CBLB: variants seen among roughly 807,000 people sequenced by gnomAD.
The protein encoded by CBLB is E3 ubiquitin-protein ligase CBL-B.
In CBLB, 31 loss-of-function variants were observed where a neutral mutation model predicts 104.9. The ratio of observed to expected loss-of-function variants is 0.30; its 90% confidence interval spans 0.22 to 0.40. The LOEUF (loss-of-function observed/expected upper bound fraction) is 0.40, where lower values mean the gene tolerates loss of function less well. Among genes scored for constraint, CBLB ranks in the 10% least tolerant of loss-of-function variants. CBLB has a pLI of 1.00. For missense variants in CBLB, 1,062 were observed against 1,214.6 expected (o/e 0.87, Z 1.87); for synonymous variants, 440 against 422.6 (o/e 1.04, Z -0.51).
intron 17 of CBLB, chr3:105,672,328 C>T (rs1286564046): frequency 5.5e-6 from 1 of 180,396 alleles, no homozygotes; most frequent in Non-Finnish European, 1.2e-5. Context: ...TTATAAATAG[C>T]AAAAATACCT....
intron 2 of CBLB, 151 bp from the exon 3 acceptor site, chr3:105,853,815 G>A (rs571755424): frequency 5.6e-5 from 34 of 609,290 alleles, no homozygotes; most frequent in East Asian, 2.3e-4. Flanking sequence ...TGATAGTCAC[G>A]TTTGTCATAA....
At chr3:105,706,589 C>T (rs2070183308) in intron 10 of CBLB, among the ~76,000 whole-genome samples, 1 of 152,136 alleles carries the variant, frequency 6.6e-6, no homozygotes, top group South Asian at 2.1e-4. Context: ...ATTTGCATCA[C>T]AGCATCTTGA....
At chr3:105,781,612 G>T (rs2080266030) in intron 3 of CBLB, among the ~76,000 whole-genome samples, 1 of 152,130 alleles carries the variant, frequency 6.6e-6, no homozygotes, top group Non-Finnish European at 1.5e-5. Flanking sequence ...CTAAATGCAG[G>T]AGACTCACAC....
intron 2 of CBLB, among the ~76,000 whole-genome samples, chr3:105,858,706 G>A (rs756415141): frequency 3.9e-5 from 6 of 152,116 alleles, no homozygotes; most frequent in Non-Finnish European, 7.4e-5. Context: ...CAAAAAATTT[G>A]GAAATTACCA....
chr3:105,799,403 A>G (rs959121792), intron 3 of CBLB, among the ~76,000 whole-genome samples: 1 of 152,168 alleles, frequency 6.6e-6, no homozygotes, highest in Admixed American at 6.6e-5. Flanking sequence ...AGGCACAATT[A>G]GTACCATTTG....
rs35312427 is a variant in CBLB, at chr3:105,658,392, CT to C, written c.*577del. 58,693 of 199,362 alleles carry C rather than the reference CT, an allele frequency of 0.29. 5,858 individuals are homozygous for C. The highest frequency in any genetic ancestry group is 0.32 in the East Asian group (3,869 of 12,004). The allele number at this position is 199,362 out of a possible 1,614,324, so 12.3% of individuals were successfully genotyped here. ...GAAACTCAGTAGTGAAGAATACATACTTTTTTTTTTTTGCATTAGTTTGATC... is the reference window on the plus strand; with the variant it reads ...GAAACTCAGTAGTGAAGAATACATACTTTTTTTTTTTGCATTAGTTTGATC... On this transcript the variant is annotated 3_prime_UTR_variant, in exon 19 of 19. Coordinates refer to ENST00000394030, the MANE Select transcript of CBLB (RefSeq NM_170662.5).
intron 18 of CBLB, among the ~76,000 whole-genome samples, chr3:105,663,904 A>G (rs1159112340): frequency 1.3e-4 from 2 of 15,752 alleles, no homozygotes; most frequent in East Asian, 5.7e-3. Context: ...AAAGCTTATT[A>G]GGAAAAAAAA....
At chr3:105,696,899 C>G (rs1489796013) in intron 12 of CBLB, among the ~76,000 whole-genome samples, 1 of 151,930 alleles carries the variant, frequency 6.6e-6, no homozygotes, top group East Asian at 1.9e-4. Context: ...TCTCCCACCT[C>G]CATGCTATTT....
intron 3 of CBLB, among the ~76,000 whole-genome samples, chr3:105,786,064 G>GGT (rs1553794706): frequency 1.4e-5 from 2 of 139,076 alleles, no homozygotes; most frequent in African/African-American, 2.7e-5. Flanking sequence ...AGAGGATCGG[G>GGT]GGGGGGAAAG....
rs2152656700 is a variant in CBLB, at chr3:105,658,242, T to TA, written c.*727dup. 4.6e-6 allele frequency: 1 copy of TA among 217,456 alleles called. No homozygotes were observed. The highest frequency in any genetic ancestry group is 6.8e-5 in the East Asian group (1 of 14,646). 13.5% of individuals were successfully genotyped at this position (217,456 alleles called of 1,614,324 possible). ...ATGGAGGATTAAAGGTTACAAAACTTAAACAAAAAAGGGAAGCTCCTCTAT... is the reference window on the plus strand; with the variant it reads ...ATGGAGGATTAAAGGTTACAAAACTTAAAACAAAAAAGGGAAGCTCCTCTAT... On this transcript the variant is annotated 3_prime_UTR_variant, in exon 19 of 19. Transcript: ENST00000394030.
At chr3:105,731,797 A>G (rs2074347312) in intron 9 of CBLB, among the ~76,000 whole-genome samples, 1 of 152,204 alleles carries the variant, frequency 6.6e-6, no homozygotes, top group Non-Finnish European at 1.5e-5. Flanking sequence ...ACATTTTACT[A>G]AACAAATGTT....
intron 3 of CBLB, among the ~76,000 whole-genome samples, chr3:105,789,711 T>C (rs2081419339): frequency 1.3e-5 from 2 of 152,306 alleles, no homozygotes; most frequent in Non-Finnish European, 2.9e-5. Flanking sequence ...TGTCTTTTAA[T>C]TACGCTGCCA....
intron 10 of CBLB, among the ~76,000 whole-genome samples, chr3:105,706,691 C>A (rs1036492277): frequency 6.6e-6 from 1 of 152,032 alleles, no homozygotes; most frequent in Non-Finnish European, 1.5e-5. Context: ...AAAGCTATTA[C>A]CTGAAAAAAA....
chr3:105,866,710 T>C (rs1377989489), intron 2 of CBLB, among the ~76,000 whole-genome samples: 2 of 152,338 alleles, frequency 1.3e-5, no homozygotes, highest in South Asian at 2.1e-4. Flanking sequence ...CATCATGATT[T>C]CTTCTTGTGA....
upstream of CBLB, chr3:105,869,184 A>G (rs925675492): frequency 3.2e-6 from 2 of 620,492 alleles, no homozygotes; most frequent in East Asian, 5.5e-5. Context: ...CACGTCCTCC[A>G]CAGTACACAA....
chr3:105,829,196 T>G lies in CBLB; in HGVS notation c.419+24218A>C, dbSNP rs186074007. Among the ~76,000 whole-genome samples the G allele has an allele frequency of 2.0e-5, 3 of 152,314 alleles. No individual in the cohort carries two copies. In the East Asian group the frequency reaches 5.8e-4, roughly 29 times the overall value. ...CCCAGTTCATATAGCTCCTAAAATA[T>G]GCCTCCTTTTAGGAAATACAAGTTA... is the stretch of plus-strand genomic sequence containing the variant. On this transcript the variant is annotated intron_variant, in intron 3 of 18. Coordinates refer to ENST00000394030, the MANE Select transcript of CBLB (RefSeq NM_170662.5).
intron 2 of CBLB, among the ~76,000 whole-genome samples, chr3:105,861,706 C>CAT (rs146939427): frequency 6.7e-6 from 1 of 150,044 alleles, no homozygotes; most frequent in Non-Finnish European, 1.5e-5. Flanking sequence ...CACACACACA[C>CAT]ATACATACAC....
chr3:105,776,074 AAG>A (rs2079421010), intron 4 of CBLB, among the ~76,000 whole-genome samples: 1 of 148,352 alleles, frequency 6.7e-6, no homozygotes, highest in African/African-American at 2.6e-5. Flanking sequence ...TTTGTATATT[AAG>A]TACATATTAA....
chr3:105,868,334 T>G (rs1018328272), intron 1 of CBLB: 1 of 684,482 alleles, frequency 1.5e-6, no homozygotes, highest in Non-Finnish European at 2.0e-6. Flanking sequence ...CAAAGCTTTG[T>G]TTCAGGACGC....
Sources: allele counts gnomAD v4.1 joint callset (sites outside exome capture counted in the v4.1 genomes callset), GRCh38; gene constraint gnomAD v4.1.1; transcripts MANE v1.5; gene names NCBI Gene and HGNC (gene_info 2026-07-23, HGNC 2026-07-21).